KIRREL3: variants seen among roughly 807,000 people sequenced by gnomAD.
KIRREL3 encodes kin of IRRE-like protein 3.
In KIRREL3, 36 loss-of-function variants were observed where a neutral mutation model predicts 89.7. That is an observed-to-expected ratio of 0.40 (90% CI 0.31 to 0.53). KIRREL3 has a LOEUF of 0.53. Ranked by LOEUF, KIRREL3 falls within the 20% of genes least tolerant of loss-of-function variation. The pLI, the probability that KIRREL3 is intolerant of heterozygous loss-of-function variation, is 0.49. For synonymous variants in KIRREL3, 445 were observed against 441.4 expected (o/e 1.01, Z -0.10); for missense variants, 864 against 1,056.6 (o/e 0.82, Z 2.53).
At chr11:126,466,844 G>A (rs1483495554) in intron 5 of KIRREL3, among the ~76,000 whole-genome samples, 1 of 152,192 alleles carries the variant, frequency 6.6e-6, no homozygotes, top group Non-Finnish European at 1.5e-5. Flanking sequence ...TTCATGCCTT[G>A]CAGGTGAGCT....
rs4937167 is a variant in KIRREL3, at chr11:126,640,349, C to T, written c.56-77437G>A. 0.2 allele frequency among the ~76,000 whole-genome samples: 30,496 copies of T among 151,892 alleles called. 3,210 individuals carry two copies. Among genetic ancestry groups the T allele is most frequent in the East Asian group, 0.4 (2,044 of 5,114 alleles). On this transcript the variant is annotated intron_variant, in intron 1 of 16. Coordinates refer to ENST00000525144, the MANE Select transcript of KIRREL3 (RefSeq NM_032531.4). This position sits in a 1 kb window ranked among gnomAD's most constrained non-coding sequence, Gnocchi z 4.9. ...ACTGAACACAACACACACACAGACG[C>T]GCGTGTGCGCGCGCACACACACGCA...
At chr11:127,003,297 A>G (rs1349756656), upstream of KIRREL3, 1 of 152,226 alleles carries the variant, frequency 6.6e-6, no homozygotes, top group Non-Finnish European at 1.5e-5. Context: ...GCCAGCCTCG[A>G]CGGCGGCCCC....
In KIRREL3 at chr11:126,965,120, A is replaced by T. The variant is rs777708311; in HGVS notation, c.55+35335T>A. On this transcript the variant is annotated intron_variant, in intron 1 of 16. Coordinates refer to ENST00000525144, the MANE Select transcript of KIRREL3 (RefSeq NM_032531.4). This position sits in a 1 kb window ranked among gnomAD's most constrained non-coding sequence, Gnocchi z 4.4. ...GCCACAGAAAAAGCGGCTCAAGAAC[A>T]GAGAGATAAAATGGAGATAAGTGTG... Among the ~76,000 whole-genome samples the T allele has an allele frequency of 1.3e-5, 2 of 152,234 alleles. No homozygotes were observed. Among genetic ancestry groups the T allele is most frequent in the Non-Finnish European group, 2.9e-5 (2 of 68,036 alleles).
rs776950626 is a variant in KIRREL3, at chr11:126,428,304, A to C, written c.1806+875T>G. ...ACATGTTACGACCGAGGCAACCAGA[A>C]ACTTCTAGCATGGTTGTCCAGGTTT... On this transcript the variant is annotated intron_variant, in intron 15 of 16. Transcript: ENST00000525144. The surrounding 1 kb of genome is among the most constrained non-coding windows in gnomAD (Gnocchi z 6.4). Among the ~76,000 whole-genome samples the C allele has an allele frequency of 1.1e-4, 17 of 152,050 alleles. No homozygotes were observed. Among genetic ancestry groups the C allele is most frequent in the Non-Finnish European group, 2.4e-4 (16 of 67,984 alleles).
chr11:126,956,991 G>A (rs141089873), intron 1 of KIRREL3, among the ~76,000 whole-genome samples: 1 of 152,288 alleles, frequency 6.6e-6, no homozygotes, highest in East Asian at 1.9e-4. Context: ...TGCTTCACAT[G>A]CACGCGATCT....
rs1006598614 is a variant in KIRREL3, at chr11:126,622,355, C to T, written c.56-59443G>A. ...CATCCCCATTCTCTGGATTTGGGGT[C>T]ATTCTCTTGCCTTGGAGTCTGGAGG... On this transcript the variant is annotated intron_variant, in intron 1 of 16. Coordinates refer to ENST00000525144, the MANE Select transcript of KIRREL3 (RefSeq NM_032531.4). The surrounding 1 kb of genome is among the most constrained non-coding windows in gnomAD (Gnocchi z 5.2). Among the ~76,000 whole-genome samples the T allele has an allele frequency of 6.6e-6, 1 of 152,178 alleles. No individual in the cohort carries two copies. The highest frequency in any genetic ancestry group is 1.9e-4 in the East Asian group (1 of 5,188).
In KIRREL3 at chr11:126,724,468, G is replaced by A. The variant is rs938894763; in HGVS notation, c.56-161556C>T. ...GGACACCCTGGAGGTTCGGAGCCAT[G>A]TCACTCCCTATCAGCCCTCTCCAAA... On this transcript the variant is annotated intron_variant, in intron 1 of 16. Transcript: ENST00000525144. The surrounding 1 kb of genome is among the most constrained non-coding windows in gnomAD (Gnocchi z 4.3). Among the ~76,000 whole-genome samples, 4 of 152,314 alleles carry A rather than the reference G, an allele frequency of 2.6e-5. No individual in the cohort carries two copies. The highest frequency in any genetic ancestry group is 9.6e-5 in the African/African-American group (4 of 41,574).
intron 7 of KIRREL3, among the ~76,000 whole-genome samples, chr11:126,450,835 G>T (rs376391156): frequency 2.2e-4 from 33 of 151,474 alleles, no homozygotes; most frequent in African/African-American, 6.8e-4. Flanking sequence ...GTGTGTATGC[G>T]TGTATAGATG....
chr11:126,644,849 T>C (rs1031865132), intron 1 of KIRREL3, among the ~76,000 whole-genome samples: 11 of 152,164 alleles, frequency 7.2e-5, no homozygotes, highest in African/African-American at 2.7e-4. Flanking sequence ...AGCTAGCAAA[T>C]ATTTTAAGTG....
At position 126,830,765 on chromosome 11, in the gene KIRREL3, T is replaced by C. The variant is rs1198309871; in HGVS notation, c.55+169690A>G. Among the ~76,000 whole-genome samples, 1 of 152,100 alleles carries C rather than the reference T, an allele frequency of 6.6e-6. No individual in the cohort carries two copies. The highest frequency in any genetic ancestry group is 1.5e-5 in the Non-Finnish European group (1 of 68,012). On this transcript the variant is annotated intron_variant, in intron 1 of 16. Transcript: ENST00000525144. The surrounding 1 kb of genome is among the most constrained non-coding windows in gnomAD (Gnocchi z 4.9). ...AATGATTTCTTCTCAAATAGTGCACTCCCTGTGCCAAGGAGGGGTATCATT... is the reference window on the plus strand; with the variant it reads ...AATGATTTCTTCTCAAATAGTGCACCCCCTGTGCCAAGGAGGGGTATCATT...
At chr11:126,857,333 C>A (rs138276687) in intron 1 of KIRREL3, among the ~76,000 whole-genome samples, 1 of 152,354 alleles carries the variant, frequency 6.6e-6, no homozygotes, top group East Asian at 1.9e-4. Context: ...CTCCTGCCTG[C>A]CCCAACTTGC....
At position 126,601,090 on chromosome 11, in the gene KIRREL3, C is replaced by A. The variant is rs540006036; in HGVS notation, c.56-38178G>T. ...CTTTGTCCCCCGTCCTCCCAGCCCCCCGATGTTCCAGGAAGCCAAAGCACA... is the reference window on the plus strand; with the variant it reads ...CTTTGTCCCCCGTCCTCCCAGCCCCACGATGTTCCAGGAAGCCAAAGCACA... On this transcript the variant is annotated intron_variant, in intron 1 of 16. Coordinates refer to ENST00000525144, the MANE Select transcript of KIRREL3 (RefSeq NM_032531.4). The surrounding 1 kb of genome is among the most constrained non-coding windows in gnomAD (Gnocchi z 5.8). 1.3e-3 allele frequency among the ~76,000 whole-genome samples: 194 copies of A among 152,104 alleles called. No individual in the cohort carries two copies. The highest frequency in any genetic ancestry group is 2.4e-3 in the Non-Finnish European group (164 of 68,000).
At chr11:126,848,393 T>C (rs1944221792) in intron 1 of KIRREL3, among the ~76,000 whole-genome samples, 1 of 152,232 alleles carries the variant, frequency 6.6e-6, no homozygotes. Context: ...AGAACTATGG[T>C]ATACCTGTTA....
intron 1 of KIRREL3, among the ~76,000 whole-genome samples, chr11:126,838,066 C>G (rs1179622047): frequency 6.6e-6 from 1 of 152,158 alleles, no homozygotes; most frequent in Non-Finnish European, 1.5e-5. Flanking sequence ...AAATCTCCCT[C>G]AACATTATAT....
chr11:126,922,745 C>A (rs976961241), intron 1 of KIRREL3, among the ~76,000 whole-genome samples: 2 of 151,746 alleles, frequency 1.3e-5, no homozygotes, highest in African/African-American at 4.8e-5. Flanking sequence ...ACAACAACAA[C>A]CTCCCTTCAC....
rs774028796 is a variant in KIRREL3, at chr11:126,473,384, T to A, written c.516A>T (p.Ala172=). The A allele has an allele frequency of 1.3e-6, 2 of 1,584,818 alleles. No homozygotes were observed. The highest frequency in any genetic ancestry group is 2.3e-5 in the South Asian group (2 of 87,022). Residue 172 remains alanine, a synonymous_variant, in exon 5 of 17, where the codon GCA becomes GCT. Coordinates refer to ENST00000525144, the MANE Select transcript of KIRREL3 (RefSeq NM_032531.4). ...TGGAGGCTGCAGGCTTGGCATTGTC[T>A]GCGTGGCAGGTGAGGTTGAGAGGGT... is the stretch of plus-strand genomic sequence containing the variant. The part of the protein sequence containing the change: ...AGDPLNLTCH[A]DNAKPAASII...
rs927800204 is a variant in KIRREL3, at chr11:126,608,452, CT to C, written c.56-45541del. ...CTTGCTTTTCCACCAGGTTTAGCCC[CT>C]GGTGCCCTTCCTCTGTCTGTGGGAG... On this transcript the variant is annotated intron_variant, in intron 1 of 16. Transcript: ENST00000525144. This position sits in a 1 kb window ranked among gnomAD's most constrained non-coding sequence, Gnocchi z 4.9. Among the ~76,000 whole-genome samples, 12 of 147,756 alleles carry C rather than the reference CT, an allele frequency of 8.1e-5. No homozygotes were observed. Among genetic ancestry groups the C allele is most frequent in the African/African-American group, 2.7e-4 (11 of 41,230 alleles).
intron 1 of KIRREL3, among the ~76,000 whole-genome samples, chr11:126,712,371 C>T (rs1436527113): frequency 6.6e-6 from 1 of 152,154 alleles, no homozygotes; most frequent in African/African-American, 2.4e-5. Context: ...GAGGCAGGGT[C>T]TGGCAGGGCC....
In KIRREL3 at chr11:126,676,956, T is replaced by A. The variant is rs1946220705; in HGVS notation, c.56-114044A>T. On this transcript the variant is annotated intron_variant, in intron 1 of 16. Coordinates refer to ENST00000525144, the MANE Select transcript of KIRREL3 (RefSeq NM_032531.4). The surrounding 1 kb of genome is among the most constrained non-coding windows in gnomAD (Gnocchi z 4.5). ...TGCACCACCACACCACGCTAATTTTTAAAAAATTTTTTGTAGAGACAGGGT... is the reference window on the plus strand; with the variant it reads ...TGCACCACCACACCACGCTAATTTTAAAAAAATTTTTTGTAGAGACAGGGT... Among the ~76,000 whole-genome samples, 1 of 151,932 alleles carries A rather than the reference T, an allele frequency of 6.6e-6. No individual in the cohort carries two copies. Among genetic ancestry groups the A allele is most frequent in the African/African-American group, 2.4e-5 (1 of 41,288 alleles).
Sources: allele counts gnomAD v4.1 joint callset (sites outside exome capture counted in the v4.1 genomes callset), GRCh38; gene constraint gnomAD v4.1.1; non-coding constraint Gnocchi (gnomAD v3.1); transcripts MANE v1.5; gene names NCBI Gene and HGNC (gene_info 2026-07-23, HGNC 2026-07-21).